Variants in ABL2 observed in about 807,000 individuals in gnomAD.
ABL2 encodes the protein tyrosine-protein kinase ABL2.
In ABL2, 49 loss-of-function variants were observed where a neutral mutation model predicts 107.7. The observed-to-expected ratio is 0.45, with a 90% CI of 0.36 to 0.58. The LOEUF is 0.58. Ranked by LOEUF, ABL2 falls within the 20% of genes least tolerant of loss-of-function variation. ABL2 has a pLI of 0.00. For synonymous variants in ABL2, 549 were observed against 548.6 expected (o/e 1.00, Z -0.01); for missense variants, 1,245 against 1,457.0 (o/e 0.85, Z 2.37).
chr1:179,136,777 A>G (rs909364226), intron 1 of ABL2, among the ~76,000 whole-genome samples: 19 of 151,652 alleles, frequency 1.3e-4, no homozygotes, highest in African/African-American at 4.6e-4. Context: ...TTAGCCAGGC[A>G]TGGTGGCACA....
intron 1 of ABL2, among the ~76,000 whole-genome samples, chr1:179,204,017 CATTT>C (rs28991601): frequency 4.0e-5 from 6 of 151,830 alleles, no homozygotes; most frequent in African/African-American, 7.3e-5. Context: ...AAAATATTTC[CATTT>C]ATTTATTTAT....
intron 1 of ABL2, among the ~76,000 whole-genome samples, chr1:179,138,901 G>A (rs1657296296): frequency 1.3e-5 from 2 of 152,230 alleles, no homozygotes; most frequent in African/African-American, 4.8e-5. Flanking sequence ...GGAGTTCCGG[G>A]TGGGCGTGGG....
Position 179,117,325 on chromosome 1 carries a change from A to C in ABL2, c.1408+7T>G. On this transcript the variant is annotated splice_region_variant and intron_variant, in intron 8 of 11. Transcript: ENST00000502732. ...ATGACACAGAAAAAAGTCCCTTTCAACCTTACCCCAGACGTCAGATTTAAT... is the reference window on the plus strand; with the variant it reads ...ATGACACAGAAAAAAGTCCCTTTCACCCTTACCCCAGACGTCAGATTTAAT... 1 of 1,613,952 alleles carries C rather than the reference A, an allele frequency of 6.2e-7. No individual in the cohort carries two copies. The highest frequency in any genetic ancestry group is 1.3e-5 in the African/African-American group (1 of 75,038).
chr1:179,190,178 A>G (rs1403911697), intron 1 of ABL2, among the ~76,000 whole-genome samples: 1 of 152,074 alleles, frequency 6.6e-6, no homozygotes, highest in Non-Finnish European at 1.5e-5. Context: ...GTCAGATTCC[A>G]CAAGTCCAGG....
At chr1:179,113,739 T>TA (rs1470652578) in intron 9 of ABL2, among the ~76,000 whole-genome samples, 1 of 151,018 alleles carries the variant, frequency 6.6e-6, no homozygotes, top group African/African-American at 2.4e-5. Flanking sequence ...CCATCCTGGC[T>TA]AACACGGTGA....
At position 179,126,684 on chromosome 1, in the gene ABL2, G is replaced by GTCA; in HGVS notation, c.392-15_392-13dup. On this transcript the variant is annotated splice_polypyrimidine_tract_variant and intron_variant, in intron 3 of 11. Coordinates refer to ENST00000502732, the MANE Select transcript of ABL2 (RefSeq NM_007314.4). The surrounding 1 kb of genome is among the most constrained non-coding windows in gnomAD (Gnocchi z 4.4). ...TCGTAGCTTTTCACCTAGCCATAAG[G>GTCA]TCATCACAGGATGAAAGAAACGATG... 6.2e-7 allele frequency: 1 copy of GTCA among 1,602,454 alleles called. No homozygotes were observed. The highest frequency in any genetic ancestry group is 8.5e-7 in the Non-Finnish European group (1 of 1,171,146).
Position 179,107,674 on chromosome 1 carries a change from C to G in ABL2, c.*44G>C. The G allele has an allele frequency of 1.9e-6, 3 of 1,539,538 alleles. 1 individual carries two copies. The South Asian group carries it at 3.9e-5, about 20-fold the overall frequency. On this transcript the variant is annotated 3_prime_UTR_variant, in exon 12 of 12. Transcript: ENST00000502732. ...CACAGGAAAACAAGTCCTTTTCCCTCTCCCCTCAGAAATGTGTGCATTTTC... is the reference window on the plus strand; with the variant it reads ...CACAGGAAAACAAGTCCTTTTCCCTGTCCCCTCAGAAATGTGTGCATTTTC...
At position 179,110,341 on chromosome 1, in the gene ABL2, T is replaced by G; in HGVS notation, c.1766A>C (p.Lys589Thr). The change falls in exon 11 of 12, where the codon AAG becomes ACG. Residue 589 changes from lysine (K) to threonine (T), a missense_variant. This residue lies in a region of ABL2 where 761 missense variants were observed against 766.4 expected (regional missense o/e 0.99). Transcript: ENST00000502732. ...TRTLKKQVENKENIEGAQDAT... is the reference protein window; with the variant it reads ...TRTLKKQVENTENIEGAQDAT... ...ATCTTGTGCCCCTTCAATGTTCTCC[T>G]TGTTCTCCACCTGTTTCTTCAGTGT... is the stretch of plus-strand genomic sequence containing the variant. The G allele has an allele frequency of 6.2e-7, 1 of 1,614,268 alleles. No homozygotes were observed. Among genetic ancestry groups the G allele is most frequent in the Non-Finnish European group, 8.5e-7 (1 of 1,180,050 alleles).
intron 1 of ABL2, among the ~76,000 whole-genome samples, chr1:179,136,530 T>C (rs2102687765): frequency 6.7e-6 from 1 of 149,092 alleles, no homozygotes; most frequent in East Asian, 2.0e-4. Flanking sequence ...TTAAGAGTCA[T>C]CACCACTCCC....
chr1:179,160,848 A>G (rs532674942), intron 1 of ABL2, among the ~76,000 whole-genome samples: 45 of 152,324 alleles, frequency 3.0e-4, no homozygotes, highest in Non-Finnish European at 8.8e-5. Context: ...TTAAGAAAAT[A>G]CAAATTAAAA....
rs1169779278 is a variant in ABL2, at chr1:179,105,424, C to T, written c.*2294G>A. 2 of 230,996 alleles carry T rather than the reference C, an allele frequency of 8.7e-6. No homozygotes were observed. The highest frequency in any genetic ancestry group is 1.7e-5 in the Non-Finnish European group (2 of 116,700). 14.3% of individuals were successfully genotyped at this position (230,996 alleles called of 1,614,324 possible). A position where few individuals can be genotyped will look rare whatever the true frequency, so the allele number is the denominator to read the frequency against. ...GCATAATAATATTCTACAGTTTTAG[C>T]TTTCCCATCCTCGACCTTAAAAGGC... On this transcript the variant is annotated 3_prime_UTR_variant, in exon 12 of 12. Transcript: ENST00000502732.
chr1:179,184,407 A>G, intron 1 of ABL2: 1 of 954,580 alleles, frequency 1.0e-6, no homozygotes, highest in Non-Finnish European at 1.6e-6. Context: ...TAAAGCCAGC[A>G]GGAAGAGGCA....
intron 1 of ABL2, among the ~76,000 whole-genome samples, chr1:179,209,460 T>G (rs1167521333): frequency 6.6e-6 from 1 of 152,200 alleles, no homozygotes; most frequent in African/African-American, 2.4e-5. Flanking sequence ...TTAAATAAAT[T>G]TGTATGTTCT....
chr1:179,163,809 G>A (rs374073318), intron 1 of ABL2, among the ~76,000 whole-genome samples: 1 of 152,310 alleles, frequency 6.6e-6, no homozygotes, highest in Non-Finnish European at 1.5e-5. Flanking sequence ...GTCCTTCAGT[G>A]AATGAAGGGA....
intron 1 of ABL2, among the ~76,000 whole-genome samples, chr1:179,225,494 T>A (rs1167651737): frequency 2.0e-5 from 3 of 152,218 alleles, no homozygotes; most frequent in Non-Finnish European, 4.4e-5. Context: ...TCGAATCTAA[T>A]TCATTCATTC....
At chr1:179,180,680 G>A (rs748550747) in intron 1 of ABL2, among the ~76,000 whole-genome samples, 3 of 152,158 alleles carry the variant, frequency 2.0e-5, no homozygotes, top group Non-Finnish European at 1.5e-5. Context: ...CAAAATAATA[G>A]AGGATATTAA....
chr1:179,206,264 A>G (rs180722007), intron 1 of ABL2, among the ~76,000 whole-genome samples: 6 of 152,336 alleles, frequency 3.9e-5, no homozygotes, highest in African/African-American at 1.4e-4. Flanking sequence ...AAATGCACAC[A>G]GGATTTAGCA....
chr1:179,121,835 G>C lies in ABL2; in HGVS notation c.720C>G (p.Thr240=). ...AGTGATGGTGTACAAGCTCTGCCAA[G>C]GTGCTGAAGCGGCTCTCAGCAGTCA... ...VYVTAESRFS[T]LAELVHHHST... The change falls in exon 5 of 12, where the codon ACC becomes ACG. Residue 240 remains threonine (T), a synonymous_variant. Transcript: ENST00000502732. 6.2e-7 allele frequency: 1 copy of C among 1,613,708 alleles called. No individual in the cohort carries two copies. Among genetic ancestry groups the C allele is most frequent in the Non-Finnish European group, 8.5e-7 (1 of 1,179,914 alleles).
At chr1:179,153,305 G>C (rs1388020175) in intron 1 of ABL2, among the ~76,000 whole-genome samples, 1 of 151,978 alleles carries the variant, frequency 6.6e-6, no homozygotes, top group Non-Finnish European at 1.5e-5. Flanking sequence ...ATTGGCTCCT[G>C]TATTAGTTTC....
Sources: gnomAD v4.1 joint callset for allele counts (sites outside exome capture counted in the v4.1 genomes callset) on GRCh38, gnomAD v4.1.1 for gene constraint, gnomAD v4.1.1 regional missense constraint, Gnocchi (gnomAD v3.1) non-coding constraint, MANE v1.5 for transcripts, NCBI Gene and HGNC (gene_info 2026-07-23, HGNC 2026-07-21) for gene names.